The following TTC17 variants were observed in gnomAD, a reference collection of about 807,000 sequenced individuals.
TTC17 encodes the protein tetratricopeptide repeat protein 17.
In TTC17, 58 loss-of-function variants were observed where a neutral mutation model predicts 143.8. That is an observed-to-expected ratio of 0.40 (90% CI 0.33 to 0.50). The LOEUF is 0.50. TTC17 is among the 20% of genes least tolerant of loss of function. The probability of loss-of-function intolerance (pLI) is 0.49; values close to 1 mark genes in which losing one functional copy is unlikely to be tolerated. For missense variants in TTC17, 1,273 were observed against 1,392.5 expected (o/e 0.91, Z 1.37); for synonymous variants, 501 against 497.8 (o/e 1.01, Z -0.09).
intron 16 of TTC17, among the ~76,000 whole-genome samples, chr11:43,423,077 T>C (rs1348290547): frequency 4.6e-5 from 7 of 152,106 alleles, no homozygotes; most frequent in Non-Finnish European, 1.0e-4. Flanking sequence ...AAGGATGATA[T>C]ATAAGTAAAG....
In TTC17 at chr11:43,440,668, TC is replaced by T. The variant is rs1947396671; in HGVS notation, c.2252-2655del. Among the ~76,000 whole-genome samples the T allele has an allele frequency of 2.0e-5, 3 of 152,294 alleles. No homozygotes were observed. In the South Asian group the frequency reaches 6.2e-4, roughly 32 times the overall value. On this transcript the variant is annotated intron_variant, in intron 16 of 23. Transcript: ENST00000039989. Reference sequence around the variant, plus strand: ...CTCTTTCCTTGTCCAACACCCCAGTTCCGATACACAAACTGATTTACTACTC... The same window carrying T: ...CTCTTTCCTTGTCCAACACCCCAGTTCGATACACAAACTGATTTACTACTC...
At chr11:43,390,846 G>A (rs1857357023) in intron 3 of TTC17, among the ~76,000 whole-genome samples, 2 of 152,058 alleles carry the variant, frequency 1.3e-5, no homozygotes, top group South Asian at 4.1e-4. Flanking sequence ...ATAGTAACTG[G>A]TAAAAATGTA....
chr11:43,474,639 T>TTACA (rs1381066869), intron 21 of TTC17, among the ~76,000 whole-genome samples: 4 of 152,276 alleles, frequency 2.6e-5, no homozygotes, highest in Non-Finnish European at 5.9e-5. Flanking sequence ...TAAAACACAA[T>TTACA]TACAGTTGAC....
intron 8 of TTC17, among the ~76,000 whole-genome samples, chr11:43,399,019 T>C (rs1188272064): frequency 1.3e-5 from 2 of 152,226 alleles, no homozygotes; most frequent in African/African-American, 4.8e-5. Context: ...TGTTACAGTG[T>C]GTAATAGGCA....
chr11:43,466,233 G>A (rs1947969741), intron 21 of TTC17, among the ~76,000 whole-genome samples: 1 of 152,124 alleles, frequency 6.6e-6, no homozygotes, highest in African/African-American at 2.4e-5. Flanking sequence ...GAGATATCAT[G>A]TCACACCAAT....
intron 21 of TTC17, among the ~76,000 whole-genome samples, chr11:43,456,119 A>T (rs1163400769): frequency 1.3e-5 from 2 of 152,000 alleles, no homozygotes; most frequent in Non-Finnish European, 2.9e-5. Context: ...CAAACATTGG[A>T]TATATTCAGT....
chr11:43,403,190 C>T (rs1196026226), intron 10 of TTC17, among the ~76,000 whole-genome samples: 4 of 152,142 alleles, frequency 2.6e-5, no homozygotes, highest in African/African-American at 9.7e-5. Flanking sequence ...AAACCCAATA[C>T]ACCTTTTGGA....
intron 23 of TTC17, among the ~76,000 whole-genome samples, chr11:43,492,885 C>T (rs767041393): frequency 1.7e-4 from 26 of 152,372 alleles, no homozygotes; most frequent in East Asian, 3.9e-4. Flanking sequence ...TCATGCCATT[C>T]GCTTTCATCT....
intron 21 of TTC17, among the ~76,000 whole-genome samples, chr11:43,478,197 T>C (rs1232536591): frequency 6.6e-6 from 1 of 152,168 alleles, no homozygotes; most frequent in Admixed American, 6.5e-5. Context: ...AAAATAAATT[T>C]GTAAAGAAAA....
intron 21 of TTC17, among the ~76,000 whole-genome samples, chr11:43,465,186 G>T (rs765205059): frequency 1.3e-5 from 2 of 152,198 alleles, no homozygotes; most frequent in African/African-American, 4.8e-5. Flanking sequence ...TGTCATAGCA[G>T]CCCAAATTCA....
At chr11:43,388,897 G>A (rs1043527463) in intron 2 of TTC17, among the ~76,000 whole-genome samples, 1 of 151,586 alleles carries the variant, frequency 6.6e-6, no homozygotes, top group African/African-American at 2.4e-5. Flanking sequence ...GATCCCCTGA[G>A]CCCTGGAGTT....
chr11:43,452,098 C>A (rs2134757755), intron 21 of TTC17, among the ~76,000 whole-genome samples: 1 of 152,298 alleles, frequency 6.6e-6, no homozygotes, highest in East Asian at 1.9e-4. Context: ...TTAGCAATTT[C>A]AGAAAACGTC....
intron 1 of TTC17, among the ~76,000 whole-genome samples, chr11:43,365,416 G>T (rs982221161): frequency 6.6e-6 from 1 of 151,966 alleles, no homozygotes; most frequent in Non-Finnish European, 1.5e-5. Flanking sequence ...CTACAGGCAA[G>T]TGCCACCACA....
chr11:43,425,252 G>A (rs1268986828), intron 16 of TTC17, among the ~76,000 whole-genome samples: 2 of 152,072 alleles, frequency 1.3e-5, no homozygotes, highest in African/African-American at 2.4e-5. Context: ...CCAGGACTAC[G>A]AAGCTAGGGT....
intron 16 of TTC17, among the ~76,000 whole-genome samples, chr11:43,420,181 G>C (rs946490494): frequency 1.4e-4 from 22 of 152,206 alleles, no homozygotes; most frequent in Non-Finnish European, 1.3e-4. Context: ...TCAAATTACA[G>C]TCAGTCTTTG....
intron 1 of TTC17, among the ~76,000 whole-genome samples, chr11:43,359,537 TG>T (rs1856009693): frequency 6.6e-6 from 1 of 152,168 alleles, no homozygotes; most frequent in Admixed American, 6.5e-5. Context: ...GCGAGTCCCA[TG>T]GTATGACAGC....
chr11:43,369,540 T>A (rs1856482012), intron 1 of TTC17, among the ~76,000 whole-genome samples: 1 of 152,158 alleles, frequency 6.6e-6, no homozygotes, highest in African/African-American at 2.4e-5. Context: ...AGTCAAGGTT[T>A]AGCATTTTCA....
chr11:43,370,048 A>T (rs763890914), intron 1 of TTC17: 29 of 454,060 alleles, frequency 6.4e-5, no homozygotes, highest in Admixed American at 1.4e-4. Flanking sequence ...CTAGTAAAAG[A>T]TCTGTTTATA....
At chr11:43,458,957 G>T (rs1469708337) in intron 21 of TTC17, among the ~76,000 whole-genome samples, 1 of 125,590 alleles carries the variant, frequency 8.0e-6, no homozygotes, top group African/African-American at 2.6e-5. Context: ...ATAATAGTTT[G>T]TATAAGGTTC....
Sources: gnomAD v4.1 joint callset for allele counts (sites outside exome capture counted in the v4.1 genomes callset) on GRCh38, gnomAD v4.1.1 for gene constraint, MANE v1.5 for transcripts, NCBI Gene and HGNC (gene_info 2026-07-23, HGNC 2026-07-21) for gene names.